The following ENPP3 variants were observed in gnomAD, a reference collection of about 807,000 sequenced individuals.
ENPP3 encodes ectonucleotide pyrophosphatase/phosphodiesterase family member 3.
ENPP3 carries 104 observed loss-of-function variants against 117.8 expected under a neutral mutation model. The ratio of observed to expected loss-of-function variants is 0.88; its 90% confidence interval spans 0.75 to 1.04. ENPP3 has a LOEUF of 1.04. Ranked by LOEUF, ENPP3 falls within the 50% of genes least tolerant of loss-of-function variation. ENPP3 has a pLI of 0.00. For synonymous variants in ENPP3, 380 were observed against 349.9 expected (o/e 1.09, Z -0.96); for missense variants, 1,026 against 1,051.9 (o/e 0.98, Z 0.34).
At chr6:131,718,634 T>A in intron 15 of ENPP3, 38 bp from the exon 16 acceptor site, 1 of 1,046,616 alleles carries the variant, frequency 9.6e-7, no homozygotes, top group East Asian at 2.5e-5. Context: ...CTCATATCAA[T>A]ATATTGATCA....
At chr6:131,672,057 C>T (rs1349027104) in intron 7 of ENPP3, among the ~76,000 whole-genome samples, 1 of 152,124 alleles carries the variant, frequency 6.6e-6, no homozygotes, top group Non-Finnish European at 1.5e-5. Context: ...CTTGCAGATT[C>T]TGTATTTGTG....
intron 6 of ENPP3, among the ~76,000 whole-genome samples, chr6:131,669,975 C>A (rs148079039): frequency 1.3e-5 from 2 of 152,322 alleles, no homozygotes; most frequent in Admixed American, 6.5e-5. Context: ...AGAGGCAACA[C>A]AATTTTGCTG....
At chr6:131,746,657 C>T in intron 24 of ENPP3, 129 bp from the exon 25 acceptor site, 1 of 672,704 alleles carries the variant, frequency 1.5e-6, no homozygotes, top group South Asian at 2.3e-5. Context: ...CTAAATTTAG[C>T]TGTATCAAAT....
intron 15 of ENPP3, among the ~76,000 whole-genome samples, chr6:131,697,396 C>G (rs538771572): frequency 4.7e-5 from 5 of 107,002 alleles, no homozygotes; most frequent in African/African-American, 1.9e-4. Flanking sequence ...CACCAGGGAC[C>G]GGTTTCATAG....
At chr6:131,690,778 T>C (rs1779259697) in intron 14 of ENPP3, among the ~76,000 whole-genome samples, 1 of 151,778 alleles carries the variant, frequency 6.6e-6, no homozygotes, top group Non-Finnish European at 1.5e-5. Flanking sequence ...TGTTTTTCTC[T>C]CAACACCTTC....
intron 23 of ENPP3, 117 bp from the exon 24 acceptor site, chr6:131,740,107 A>T: frequency 1.3e-6 from 1 of 741,426 alleles, no homozygotes; most frequent in Non-Finnish European, 1.9e-6. Flanking sequence ...TGTCAAACTT[A>T]GAATTATAAG....
In ENPP3 at chr6:131,668,522, A is replaced by T. The variant is rs17060515; in HGVS notation, c.563-2726A>T. Among the ~76,000 whole-genome samples, 669 of 152,126 alleles carry T rather than the reference A, an allele frequency of 4.4e-3. 18 individuals carry two copies. Among genetic ancestry groups the T allele is most frequent in the Admixed American group, 0.038 (586 of 15,264 alleles). Reference sequence around the variant, plus strand: ...GAGCACCGTGCCCGGCCTACATTGCAGTTTTGATCTGTACATTCTCTGGTT... The same window carrying T: ...GAGCACCGTGCCCGGCCTACATTGCTGTTTTGATCTGTACATTCTCTGGTT... On this transcript the variant is annotated intron_variant, in intron 6 of 24. Transcript: ENST00000357639.
rs1778817223 is a variant in ENPP3 at position 131,674,301 on chromosome 6, T to C, written c.762+20T>C. 6.2e-7 allele frequency: 1 copy of C among 1,612,428 alleles called. No individual in the cohort carries two copies. Among genetic ancestry groups the C allele is most frequent in the South Asian group, 1.1e-5 (1 of 91,064 alleles). On this transcript the variant is annotated intron_variant, in intron 8 of 24. Coordinates refer to ENST00000357639, the MANE Select transcript of ENPP3 (RefSeq NM_005021.5). Reference sequence around the variant, plus strand: ...CAACCAGTATGTAGCATTCTACACGTCGCAACTGAAGTAACCTCCATTTCT... The same window carrying C: ...CAACCAGTATGTAGCATTCTACACGCCGCAACTGAAGTAACCTCCATTTCT...
intron 14 of ENPP3, among the ~76,000 whole-genome samples, chr6:131,691,827 C>T (rs948948399): frequency 2.6e-5 from 4 of 152,098 alleles, no homozygotes; most frequent in Non-Finnish European, 5.9e-5. Context: ...TACTCAGCAG[C>T]TGCCAGGTTG....
chr6:131,654,599 T>C (rs1229580130), intron 5 of ENPP3, among the ~76,000 whole-genome samples: 4 of 152,088 alleles, frequency 2.6e-5, no homozygotes, highest in Non-Finnish European at 4.4e-5. Flanking sequence ...TGTGCCACCA[T>C]TCTCAGCTAA....
intron 7 of ENPP3, among the ~76,000 whole-genome samples, chr6:131,672,498 C>A (rs1778766113): frequency 1.3e-5 from 2 of 152,008 alleles, no homozygotes; most frequent in African/African-American, 2.4e-5. Context: ...AACAAAAACA[C>A]TCATAAAAGA....
At chr6:131,695,070 C>A (rs1168833200) in intron 15 of ENPP3, among the ~76,000 whole-genome samples, 1 of 151,802 alleles carries the variant, frequency 6.6e-6, no homozygotes, top group Non-Finnish European at 1.5e-5. Context: ...AGTTTATTAG[C>A]CCTTTGTGTA....
rs1585722514 is a variant in ENPP3, at chr6:131,725,941, A to C, written c.1799-105A>C. On this transcript the variant is annotated intron_variant, in intron 19 of 24. Transcript: ENST00000357639. ...ATATTTGTTAGAGTACTTGTCATAT[A>C]ATAAGCCATAAGAGAGTGGTAGTTA... 4 of 643,362 alleles carry C rather than the reference A, an allele frequency of 6.2e-6. No individual in the cohort carries two copies. In the East Asian group the frequency reaches 8.1e-5, roughly 13 times the overall value. The allele number at this position is 643,362 out of a possible 1,614,324, so 39.9% of individuals were successfully genotyped here.
chr6:131,647,845 G>A (rs1778181794), intron 2 of ENPP3, among the ~76,000 whole-genome samples: 1 of 151,970 alleles, frequency 6.6e-6, no homozygotes, highest in Admixed American at 6.6e-5. Context: ...TATTTAAAAG[G>A]GTTTCTTCCA....
At position 131,726,205 on chromosome 6, in the gene ENPP3, G is replaced by T. The variant is rs1443986706; in HGVS notation, c.1953+5G>T. On this transcript the variant is annotated splice_donor_5th_base_variant and intron_variant, in intron 20 of 24. Transcript: ENST00000357639. ...TCATACACAGTCCCCCAGTTGGTAA[G>T]TTCCTGAGTCCATTGATCCATGCAG... 1 of 1,612,502 alleles carries T rather than the reference G, an allele frequency of 6.2e-7. No homozygotes were observed. Among genetic ancestry groups the T allele is most frequent in the South Asian group, 1.1e-5 (1 of 90,884 alleles).
At chr6:131,643,970 T>A (rs1037059286) in intron 2 of ENPP3, among the ~76,000 whole-genome samples, 17 of 150,634 alleles carry the variant, frequency 1.1e-4, no homozygotes, top group African/African-American at 3.9e-4. Flanking sequence ...TGTGTGTGTG[T>A]GAAATAACTT....
intron 6 of ENPP3, among the ~76,000 whole-genome samples, chr6:131,660,294 G>A (rs1272345798): frequency 1.3e-5 from 2 of 152,192 alleles, no homozygotes; most frequent in East Asian, 1.9e-4. Context: ...CCCATCTCTA[G>A]GGTTTCATCA....
At chr6:131,681,910 G>A (rs1029733492) in intron 11 of ENPP3, among the ~76,000 whole-genome samples, 1 of 152,058 alleles carries the variant, frequency 6.6e-6, no homozygotes, top group African/African-American at 2.4e-5. Flanking sequence ...TGCAATCTTG[G>A]CTCACTGCCC....
At chr6:131,650,779 C>T (rs1311674610) in intron 3 of ENPP3, among the ~76,000 whole-genome samples, 1 of 152,166 alleles carries the variant, frequency 6.6e-6, no homozygotes, top group Non-Finnish European at 1.5e-5. Flanking sequence ...CAGGCTCTGC[C>T]TTCATCTTCA....
Sources: gnomAD v4.1 joint callset for allele counts (sites outside exome capture counted in the v4.1 genomes callset) on GRCh38, gnomAD v4.1.1 for gene constraint, MANE v1.5 for transcripts, NCBI Gene and HGNC (gene_info 2026-07-23, HGNC 2026-07-21) for gene names.